Variants in FAM178B observed in about 807,000 individuals in gnomAD.
FAM178B encodes the protein protein FAM178B.
Under a neutral mutation model 91.7 loss-of-function variants are expected in FAM178B, and 82 were observed. That is an observed-to-expected ratio of 0.89 (90% CI 0.75 to 1.07). FAM178B has a LOEUF of 1.07. Ranked by LOEUF, FAM178B falls within the 50% of genes least tolerant of loss-of-function variation. FAM178B has a pLI of 0.00. For missense variants in FAM178B, 769 were observed against 846.7 expected (o/e 0.91, Z 1.14); for synonymous variants, 368 against 359.4 (o/e 1.02, Z -0.27).
intron 13 of FAM178B, among the ~76,000 whole-genome samples, chr2:96,896,028 T>C (rs923274495): frequency 2.0e-5 from 3 of 152,208 alleles, no homozygotes; most frequent in East Asian, 1.9e-4. Flanking sequence ...ACCCAAACCA[T>C]GGCTGTGCCA....
chr2:96,931,000 AATAAATTTCCCAGTTT>A (rs1223098324), intron 8 of FAM178B, among the ~76,000 whole-genome samples: 1 of 152,194 alleles, frequency 6.6e-6, no homozygotes, highest in Non-Finnish European at 1.5e-5. Context: ...AACTGTAAGC[AATAAATTTCCCAGTTT>A]ATAAATTACC....
rs192259610 is a variant in FAM178B at position 96,900,351 on chromosome 2, G to A, written c.1650+2269C>T. Among the ~76,000 whole-genome samples the A allele has an allele frequency of 3.0e-3, 451 of 152,006 alleles. 6 individuals carry two copies. The highest frequency in any genetic ancestry group is 3.5e-3 in the Admixed American group (53 of 15,282). ...CACTGCCCCTCCCAAGGTCTCAGCT[G>A]GGGCACGTTCTCCCCATGCACCCCG... On this transcript the variant is annotated intron_variant, in intron 13 of 16. Coordinates refer to ENST00000490605, the MANE Select transcript of FAM178B (RefSeq NM_001122646.3).
rs756023523 is a variant in FAM178B, at chr2:96,876,289, CA to C, written c.2026del (p.Trp676GlyfsTer21). 55 of 1,607,448 alleles carry C rather than the reference CA, an allele frequency of 3.4e-5. No homozygotes were observed. Among genetic ancestry groups the C allele is most frequent in the Non-Finnish European group, 4.6e-5 (54 of 1,177,916 alleles). On this transcript the variant is annotated frameshift_variant, in exon 17 of 17. Coordinates refer to ENST00000490605, the MANE Select transcript of FAM178B (RefSeq NM_001122646.3). LOFTEE classifies it high-confidence loss of function. ...CQPQAQYFSP[W>X]KDI ...GACCCTGTCCCTTTAGATGTCTTTCCAGGGGCTGAAATACTGGGCCTGCGGC... is the reference window on the plus strand; with the variant it reads ...GACCCTGTCCCTTTAGATGTCTTTCCGGGGCTGAAATACTGGGCCTGCGGC...
intron 14 of FAM178B, among the ~76,000 whole-genome samples, chr2:96,885,085 C>G (rs1284054908): frequency 6.6e-6 from 1 of 152,198 alleles, no homozygotes; most frequent in Non-Finnish European, 1.5e-5. Flanking sequence ...AAAGTGCCTG[C>G]TAGGGCAAGG....
chr2:96,983,674 C>T (rs1342539703), intron 1 of FAM178B, among the ~76,000 whole-genome samples: 2 of 151,924 alleles, frequency 1.3e-5, no homozygotes, highest in African/African-American at 4.8e-5. Flanking sequence ...ATCTGGTCAC[C>T]TCAGCTAACA....
intron 14 of FAM178B, among the ~76,000 whole-genome samples, chr2:96,884,580 A>G (rs896479900): frequency 1.6e-4 from 25 of 152,200 alleles, no homozygotes; most frequent in African/African-American, 5.8e-4. Context: ...GGGGAGGGAG[A>G]CAGAGCTTAG....
chr2:96,923,681 C>T (rs2081385432), intron 9 of FAM178B, 98 bp from the exon 10 acceptor site: 1 of 849,380 alleles, frequency 1.2e-6, no homozygotes, highest in South Asian at 1.5e-5. Context: ...TGAGGCTGCT[C>T]ATCCGCTGGA....
At chr2:96,905,564 A>G (rs925455980) in intron 12 of FAM178B, among the ~76,000 whole-genome samples, 4 of 150,622 alleles carry the variant, frequency 2.7e-5, no homozygotes, top group African/African-American at 9.7e-5. Flanking sequence ...CTCAAAAAAA[A>G]AAAAAGAAAA....
intron 13 of FAM178B, among the ~76,000 whole-genome samples, chr2:96,901,767 A>G (rs2080937517): frequency 6.6e-6 from 1 of 152,158 alleles, no homozygotes; most frequent in African/African-American, 2.4e-5. Context: ...AAGGTCCCTG[A>G]ATTGTACACT....
At chr2:96,933,265 T>A (rs1169428198) in intron 8 of FAM178B, among the ~76,000 whole-genome samples, 9 of 151,554 alleles carry the variant, frequency 5.9e-5, no homozygotes, top group East Asian at 1.9e-4. Flanking sequence ...AAAAAAAAAT[T>A]AAAAAAATTT....
chr2:96,940,481 C>A (rs1191560830), intron 8 of FAM178B, among the ~76,000 whole-genome samples: 3 of 152,172 alleles, frequency 2.0e-5, no homozygotes, highest in African/African-American at 7.2e-5. Context: ...GAGTGTCAAC[C>A]TGATAGACTA....
intron 14 of FAM178B, among the ~76,000 whole-genome samples, chr2:96,882,732 A>T (rs995413649): frequency 2.6e-5 from 4 of 152,178 alleles, no homozygotes; most frequent in African/African-American, 9.7e-5. Context: ...TGGGGATGTC[A>T]TTGTGGCCTC....
At chr2:96,892,426 G>A (rs1223065620) in intron 14 of FAM178B, among the ~76,000 whole-genome samples, 3 of 152,284 alleles carry the variant, frequency 2.0e-5, no homozygotes, top group Middle Eastern at 3.4e-3. Flanking sequence ...GGGCTCTGCC[G>A]AGCTGCACGG....
At chr2:96,976,484 G>A (rs1344099806) in intron 1 of FAM178B, among the ~76,000 whole-genome samples, 4 of 151,948 alleles carry the variant, frequency 2.6e-5, no homozygotes, top group Non-Finnish European at 5.9e-5. Flanking sequence ...CAAAAGAACT[G>A]AAAACAAATA....
chr2:96,947,199 TA>T (rs1213416297), intron 8 of FAM178B, among the ~76,000 whole-genome samples: 8 of 152,272 alleles, frequency 5.3e-5, no homozygotes, highest in Admixed American at 1.3e-4. Flanking sequence ...GTGCAGCCAC[TA>T]GGGGGGGAAA....
intron 8 of FAM178B, among the ~76,000 whole-genome samples, chr2:96,942,961 C>T (rs1559087263): frequency 6.6e-6 from 1 of 152,118 alleles, no homozygotes; most frequent in Non-Finnish European, 1.5e-5. Flanking sequence ...AAGAACCAAG[C>T]TAGACTCCTG....
chr2:96,876,473 G>A (rs1451819323), intron 16 of FAM178B, among the ~76,000 whole-genome samples, 165 bp from the exon 17 acceptor site: 1 of 152,214 alleles, frequency 6.6e-6, no homozygotes, highest in Non-Finnish European at 1.5e-5. Context: ...GGACACAGCG[G>A]TCATCAGGCT....
intron 1 of FAM178B, among the ~76,000 whole-genome samples, chr2:96,984,059 T>A (rs2082394736): frequency 6.6e-6 from 1 of 152,056 alleles, no homozygotes; most frequent in African/African-American, 2.4e-5. Flanking sequence ...AACCTCCGCC[T>A]CCCGGGTTCA....
intron 11 of FAM178B, 66 bp downstream of exon 11, chr2:96,921,412 C>T: frequency 6.5e-7 from 1 of 1,542,750 alleles, no homozygotes. Context: ...ACCCAGGGCA[C>T]TCTAGGGGCC....
Sources: allele counts gnomAD v4.1 joint callset (sites outside exome capture counted in the v4.1 genomes callset), GRCh38; gene constraint gnomAD v4.1.1; transcripts MANE v1.5; gene names NCBI Gene and HGNC (gene_info 2026-07-23, HGNC 2026-07-21).